ZNF69: variants seen among roughly 807,000 people sequenced by gnomAD.
The protein encoded by ZNF69 is ZNF3.
Under a neutral mutation model 50.9 loss-of-function variants are expected in ZNF69, and 47 were observed. That is an observed-to-expected ratio of 0.92 (90% CI 0.73 to 1.18). The LOEUF (loss-of-function observed/expected upper bound fraction) is 1.18. Among genes scored for constraint, ZNF69 ranks in the 50% most tolerant of loss-of-function variants. The probability of loss-of-function intolerance (pLI) is 0.00; values close to 1 mark genes in which losing one functional copy is unlikely to be tolerated. For missense variants in ZNF69, 717 were observed against 675.1 expected (o/e 1.06, Z -0.69); for synonymous variants, 216 against 223.1 (o/e 0.97, Z 0.29).
chr19:11,901,364 G>T (rs1972240211), intron 1 of ZNF69, among the ~76,000 whole-genome samples: 1 of 152,136 alleles, frequency 6.6e-6, no homozygotes, highest in Non-Finnish European at 1.5e-5. Context: ...TCAGACTTTG[G>T]CCATGACCTT....
intron 1 of ZNF69, among the ~76,000 whole-genome samples, chr19:11,891,536 G>A (rs780645586): frequency 6.6e-6 from 1 of 152,144 alleles, no homozygotes; most frequent in East Asian, 1.9e-4. Flanking sequence ...GTTTTTCTTA[G>A]GTAGGGATCT....
chr19:11,948,674 G>C, the ZNF69 span: 1 of 1,612,378 alleles, frequency 6.2e-7, no homozygotes, highest in East Asian at 2.2e-5. Flanking sequence ...GTAATGCACA[G>C]TGGGGATGGA....
chr19:11,925,364 G>A, the ZNF69 span: 12 of 1,564,484 alleles, frequency 7.7e-6, no homozygotes, highest in Non-Finnish European at 1.0e-5. Flanking sequence ...GCCTCCCTGT[G>A]GGCGACTCCG....
chr19:11,950,367 TCA>T, the ZNF69 span: 1 of 1,092,404 alleles, frequency 9.2e-7, no homozygotes, highest in Non-Finnish European at 1.4e-6. Flanking sequence ...ATGAAAGGAC[TCA>T]CACTGGGGAG....
At chr19:11,931,146 A>G in the ZNF69 span, among the ~76,000 whole-genome samples, 8 of 148,252 alleles carry the variant, frequency 5.4e-5, 1 homozygote, top group South Asian at 2.1e-4. Flanking sequence ...GTGCCTCTCT[A>G]TCTTAGTCAT....
the ZNF69 span, among the ~76,000 whole-genome samples, chr19:11,953,768 C>G: frequency 6.6e-6 from 1 of 152,176 alleles, no homozygotes; most frequent in Non-Finnish European, 1.5e-5. Context: ...GCCTAACACA[C>G]CCAACATTAC....
chr19:11,949,051 T>G, the ZNF69 span: 1 of 1,608,208 alleles, frequency 6.2e-7, no homozygotes, highest in Non-Finnish European at 8.5e-7. Context: ...TGGGGAAGGC[T>G]TATCCTATCT....
At chr19:11,923,989 GCAGA>G in the ZNF69 span, among the ~76,000 whole-genome samples, 2 of 152,172 alleles carry the variant, frequency 1.3e-5, no homozygotes, top group Admixed American at 6.5e-5. Context: ...CCGAGAAGCT[GCAGA>G]GCCCTGGAAA....
At chr19:11,960,476 A>G in the ZNF69 span, among the ~76,000 whole-genome samples, 1 of 151,996 alleles carries the variant, frequency 6.6e-6, no homozygotes. Flanking sequence ...AGTTTTTTGT[A>G]GAGACAGGGG....
downstream of ZNF69, among the ~76,000 whole-genome samples, chr19:11,909,673 A>G (rs1298545230): frequency 6.6e-6 from 1 of 152,196 alleles, no homozygotes. Context: ...GTATCTCAAA[A>G]TAATAAGAGC....
the ZNF69 span, among the ~76,000 whole-genome samples, chr19:11,922,975 G>C: frequency 6.6e-6 from 1 of 151,958 alleles, no homozygotes; most frequent in Admixed American, 6.6e-5. Flanking sequence ...ACCTCTCCTG[G>C]CTAATTAAAA....
At chr19:11,965,307 A>T in the ZNF69 span, 2 of 1,555,008 alleles carry the variant, frequency 1.3e-6, no homozygotes, top group Non-Finnish European at 1.8e-6. Flanking sequence ...CCTGCGGGCG[A>T]CTCCAGGGTC....
the ZNF69 span, chr19:11,980,095 A>C: frequency 1.0e-6 from 1 of 982,758 alleles, no homozygotes; most frequent in Non-Finnish European, 1.6e-6. Context: ...AAACCTTCAG[A>C]TCTACCTCAC....
chr19:11,948,919 A>C, the ZNF69 span: 2 of 1,607,006 alleles, frequency 1.2e-6, no homozygotes, highest in East Asian at 2.2e-5. Context: ...ACATGAAAGA[A>C]GTCACATGGG....
chr19:11,914,649 T>C (rs964613445), downstream of ZNF69, among the ~76,000 whole-genome samples: 5 of 152,180 alleles, frequency 3.3e-5, no homozygotes, highest in African/African-American at 1.2e-4. Context: ...ATGGAAAAGT[T>C]TCTTTTATAT....
At chr19:11,937,711 A>G in the ZNF69 span, among the ~76,000 whole-genome samples, 1 of 151,712 alleles carries the variant, frequency 6.6e-6, no homozygotes. Flanking sequence ...GATGGTCTCG[A>G]TCTCCTGACC....
Position 11,906,483 on chromosome 19 carries a change from A to C in ZNF69, c.*385A>C, listed in dbSNP as rs528225945. On this transcript the variant is annotated 3_prime_UTR_variant, in exon 4 of 4. Coordinates refer to ENST00000429654, the MANE Select transcript of ZNF69 (RefSeq NM_001364730.1). ...TGCCCCTCTGTGACGAAGCTTCCAG[A>C]GGAAGGATCAGGCAACAACATTTGC... 1.3e-5 allele frequency among the ~76,000 whole-genome samples: 2 copies of C among 152,292 alleles called. No homozygotes were observed. The highest frequency in any genetic ancestry group is 2.9e-5 in the Non-Finnish European group (2 of 68,028).
the ZNF69 span, among the ~76,000 whole-genome samples, chr19:11,930,189 A>G: frequency 1.3e-5 from 2 of 148,442 alleles, no homozygotes; most frequent in African/African-American, 2.6e-5. Flanking sequence ...TCCTAACTTC[A>G]GTTTCCATTA....
the ZNF69 span, chr19:11,965,002 T>A: frequency 3.2e-4 from 165 of 515,952 alleles, no homozygotes; most frequent in East Asian, 4.6e-4. Flanking sequence ...GGCAGGGCCC[T>A]GCCCATTGTT....
Sources: gnomAD v4.1 joint callset for allele counts (sites outside exome capture counted in the v4.1 genomes callset) on GRCh38, gnomAD v4.1.1 for gene constraint, MANE v1.5 for transcripts, NCBI Gene and HGNC (gene_info 2026-07-23, HGNC 2026-07-21) for gene names.